Variants in PCDHGB1 observed in about 807,000 individuals in gnomAD.
PCDHGB1 encodes the protein protocadherin gamma-B1.
PCDHGB1 carries 34 observed loss-of-function variants against 56.6 expected under a neutral mutation model. The observed-to-expected ratio is 0.60, with a 90% CI of 0.46 to 0.80. The LOEUF (loss-of-function observed/expected upper bound fraction) is 0.80. Ranked by LOEUF, PCDHGB1 falls within the 30% of genes least tolerant of loss-of-function variation. The pLI is 0.00. For synonymous variants in PCDHGB1, 561 were observed against 505.9 expected (o/e 1.11, Z -1.46); for missense variants, 1,278 against 1,204.6 (o/e 1.06, Z -0.90).
chr5:141,366,040 C>A (rs752624619), intron 1 of PCDHGB1: 1 of 1,614,146 alleles, frequency 6.2e-7, no homozygotes, highest in African/African-American at 1.3e-5. Context: ...TCCCCACAGA[C>A]GGTTCCACGG....
intron 1 of PCDHGB1, among the ~76,000 whole-genome samples, chr5:141,447,321 G>C (rs148203274): frequency 3.9e-5 from 6 of 152,068 alleles, no homozygotes; most frequent in Admixed American, 6.5e-5. Flanking sequence ...TGTATTTTTA[G>C]TAGAGACGGG....
intron 1 of PCDHGB1, chr5:141,413,678 T>G (rs201325660): frequency 5.6e-6 from 9 of 1,613,632 alleles, no homozygotes; most frequent in Non-Finnish European, 7.6e-6. Flanking sequence ...GATGTGGGCG[T>G]GAACTCCCTG....
In PCDHGB1 at chr5:141,393,130, T is replaced by C. The variant is rs752035971; in HGVS notation, c.2409+40461T>C. 19 of 1,613,248 alleles carry C rather than the reference T, an allele frequency of 1.2e-5. No individual in the cohort carries two copies. In the Admixed American group the frequency reaches 2.7e-4, roughly 23 times the overall value. On this transcript the variant is annotated intron_variant, in intron 1 of 3. Transcript: ENST00000523390. ...CAGAGCCCGCGGTGTCTGATAAATA[T>C]TAACACCCTGGTTGAGGATAAAGGA...
chr5:141,431,008 C>T lies in PCDHGB1; in HGVS notation c.2410-63799C>T. The T allele has an allele frequency of 6.2e-7, 1 of 1,614,118 alleles. No individual in the cohort carries two copies. The highest frequency in any genetic ancestry group is 1.1e-5 in the South Asian group (1 of 91,076). ...TCGCCCTGAATCCGCGCAGCGGCAG[C>T]TTGGTCACGGCGGGCAGGATAGACC... On this transcript the variant is annotated intron_variant, in intron 1 of 3. Transcript: ENST00000523390. This position sits in a 1 kb window ranked among gnomAD's most constrained non-coding sequence, Gnocchi z 4.8.
chr5:141,381,826 C>CTTTTTTTTTTTTTTTTTTTTTTTTT (rs770630741), intron 1 of PCDHGB1, among the ~76,000 whole-genome samples: 4 of 74,290 alleles, frequency 5.4e-5, no homozygotes, highest in African/African-American at 1.2e-4. Context: ...CTTTCTTCTT[C>CTTTTTTTTTTTTTTTTTTTTTTTTT]TTTTTTTTTT....
Position 141,351,002 on chromosome 5 carries a change from C to T in PCDHGB1, c.742C>T (p.Leu248Phe), listed in dbSNP as rs751094816. 6 of 1,614,084 alleles carry T rather than the reference C, an allele frequency of 3.7e-6. No individual in the cohort carries two copies. In the South Asian group the frequency reaches 6.6e-5, roughly 18 times the overall value. ...VFSQEVYRVS[L>F]QENVPWGTSV... ...TAGCCAGGAGGTATACAGGGTTAGC[C>T]TCCAAGAAAACGTACCGTGGGGAAC... The change falls in exon 1 of 4, where the codon CTC becomes TTC. Residue 248 changes from leucine to phenylalanine, a missense_variant. Transcript: ENST00000523390.
At chr5:141,366,561 A>T in intron 1 of PCDHGB1, 1 of 1,614,210 alleles carries the variant, frequency 6.2e-7, no homozygotes, top group South Asian at 1.1e-5. Context: ...GTGGGCGTGG[A>T]TGGGGTTCGG....
chr5:141,511,695 C>T lies in PCDHGB1; in HGVS notation c.*522C>T, dbSNP rs1009832192. 1 of 195,662 alleles carries T rather than the reference C, an allele frequency of 5.1e-6. No individual in the cohort carries two copies. Among genetic ancestry groups the T allele is most frequent in the Non-Finnish European group, 1.1e-5 (1 of 92,626 alleles). The allele number at this position is 195,662 out of a possible 1,614,324, so 12.1% of individuals were successfully genotyped here. On this transcript the variant is annotated 3_prime_UTR_variant, in exon 4 of 4. Coordinates refer to ENST00000523390, the MANE Select transcript of PCDHGB1 (RefSeq NM_018922.3). ...CTTCCCCCAAAGCATGGTTTGGTGC[C>T]AGCCCCTTCACCTCCTTCCAGAGCC...
chr5:141,475,167 G>A (rs529813171), intron 1 of PCDHGB1, among the ~76,000 whole-genome samples: 4 of 152,042 alleles, frequency 2.6e-5, no homozygotes, highest in Admixed American at 6.6e-5. Flanking sequence ...CATTAGCAGT[G>A]CAACTTCTTG....
intron 1 of PCDHGB1, chr5:141,356,824 C>T: frequency 6.2e-7 from 1 of 1,614,146 alleles, no homozygotes; most frequent in Non-Finnish European, 8.5e-7. Flanking sequence ...AGACCCTCCA[C>T]TCAGCAGCAA....
rs750914672 is a variant in PCDHGB1 at position 141,371,927 on chromosome 5, C to A, written c.2409+19258C>A. ...CCTACGTGTCCGTGAGCGCGCGGAG[C>A]GGGGTGGTGTTCGCGCAGCGAGCCT... On this transcript the variant is annotated intron_variant, in intron 1 of 3. Coordinates refer to ENST00000523390, the MANE Select transcript of PCDHGB1 (RefSeq NM_018922.3). 53 of 1,613,208 alleles carry A rather than the reference C, an allele frequency of 3.3e-5. No homozygotes were observed. The highest frequency in any genetic ancestry group is 3.9e-5 in the Non-Finnish European group (46 of 1,179,904).
chr5:141,372,906 C>A, intron 1 of PCDHGB1: 1 of 1,079,660 alleles, frequency 9.3e-7, no homozygotes, highest in Non-Finnish European at 1.3e-6. Context: ...TCCCTGATTA[C>A]ATTATTTTAT....
At position 141,491,809 on chromosome 5, in the gene PCDHGB1, C is replaced by A. The variant is rs1421763758; in HGVS notation, c.2410-2998C>A. The A allele has an allele frequency of 6.7e-7, 1 of 1,487,044 alleles. No homozygotes were observed. The highest frequency in any genetic ancestry group is 1.4e-5 in the South Asian group (1 of 72,986). The allele number at this position is 1,487,044 out of a possible 1,614,324, so 92.1% of individuals were successfully genotyped here. On this transcript the variant is annotated intron_variant, in intron 1 of 3. Coordinates refer to ENST00000523390, the MANE Select transcript of PCDHGB1 (RefSeq NM_018922.3). This position sits in a 1 kb window ranked among gnomAD's most constrained non-coding sequence, Gnocchi z 6.9. Reference sequence around the variant, plus strand: ...TCCACTCCTCTCCGGCCGGCTTGGTCGCTGGCTGCGCTCCACCCGATTCTC... The same window carrying A: ...TCCACTCCTCTCCGGCCGGCTTGGTAGCTGGCTGCGCTCCACCCGATTCTC...
Position 141,491,906 on chromosome 5 carries a change from T to A in PCDHGB1, c.2410-2901T>A, listed in dbSNP as rs1490050332. On this transcript the variant is annotated intron_variant, in intron 1 of 3. Transcript: ENST00000523390. The surrounding 1 kb of genome is among the most constrained non-coding windows in gnomAD (Gnocchi z 6.9). ...ATGGGGCTCCGAGCACCGGGGGTGG[T>A]GGCGACTGTGGGCGAGGGGAGGTGG... is the stretch of plus-strand genomic sequence containing the variant. 7.1e-7 allele frequency: 1 copy of A among 1,414,468 alleles called. No individual in the cohort carries two copies. Among genetic ancestry groups the A allele is most frequent in the African/African-American group, 1.4e-5 (1 of 69,002 alleles). 87.6% of individuals were successfully genotyped at this position (1,414,468 alleles called of 1,614,324 possible).
Position 141,486,656 on chromosome 5 carries a change from C to A in PCDHGB1, c.2410-8151C>A. 6.2e-7 allele frequency: 1 copy of A among 1,614,020 alleles called. No homozygotes were observed. Among genetic ancestry groups the A allele is most frequent in the Non-Finnish European group, 8.5e-7 (1 of 1,180,038 alleles). On this transcript the variant is annotated intron_variant, in intron 1 of 3. Transcript: ENST00000523390. This position sits in a 1 kb window ranked among gnomAD's most constrained non-coding sequence, Gnocchi z 5.0. ...GAATGCGCTTATCTCCTACTCACTCCTGGAGCCCAGGAATCGAGATGTATC... is the reference window on the plus strand; with the variant it reads ...GAATGCGCTTATCTCCTACTCACTCATGGAGCCCAGGAATCGAGATGTATC...
At position 141,408,540 on chromosome 5, in the gene PCDHGB1, C is replaced by T. The variant is rs201370009; in HGVS notation, c.2409+55871C>T. On this transcript the variant is annotated intron_variant, in intron 1 of 3. Transcript: ENST00000523390. ...CAATTGGAAGCTGTGGTGGAAAATCCTTTAAATATTTTTCATGTCATTGTG... is the reference window on the plus strand; with the variant it reads ...CAATTGGAAGCTGTGGTGGAAAATCTTTTAAATATTTTTCATGTCATTGTG... The T allele has an allele frequency of 1.6e-3, 2,593 of 1,614,046 alleles. 3 individuals are homozygous for T. Among genetic ancestry groups the T allele is most frequent in the Middle Eastern group, 4.5e-3 (27 of 6,062 alleles).
At chr5:141,402,534 TAC>T (rs2094278313) in intron 1 of PCDHGB1, among the ~76,000 whole-genome samples, 1 of 152,346 alleles carries the variant, frequency 6.6e-6, no homozygotes, top group Non-Finnish European at 1.5e-5. Context: ...GATTTTATAA[TAC>T]ACTTACAGAA....
At chr5:141,451,832 G>A (rs1190124133) in intron 1 of PCDHGB1, among the ~76,000 whole-genome samples, 1 of 150,948 alleles carries the variant, frequency 6.6e-6, no homozygotes, top group Non-Finnish European at 1.5e-5. Context: ...AGTGAGCCGA[G>A]ATCACACCAC....
chr5:141,494,185 GAC>G (rs2099752607), intron 1 of PCDHGB1, among the ~76,000 whole-genome samples: 1 of 152,154 alleles, frequency 6.6e-6, no homozygotes, highest in Non-Finnish European at 1.5e-5. Context: ...AGTGTCCCGG[GAC>G]TTGGATGCCC....
Sources: allele counts gnomAD v4.1 joint callset (sites outside exome capture counted in the v4.1 genomes callset), GRCh38; gene constraint gnomAD v4.1.1; non-coding constraint Gnocchi (gnomAD v3.1); transcripts MANE v1.5; gene names NCBI Gene and HGNC (gene_info 2026-07-23, HGNC 2026-07-21).